The following ACTG2 variants were observed in gnomAD, a reference collection of about 807,000 sequenced individuals.
ACTG2 encodes actin, gamma-enteric smooth muscle.
In ACTG2, 16 loss-of-function variants were observed where a neutral mutation model predicts 37.6. The observed-to-expected ratio is 0.43, with a 90% CI of 0.29 to 0.65. The LOEUF is 0.65. Among genes scored for constraint, ACTG2 ranks in the 30% least tolerant of loss-of-function variants. The pLI, the probability that ACTG2 is intolerant of heterozygous loss-of-function variation, is 0.18. For missense variants in ACTG2, 238 were observed against 490.9 expected (o/e 0.48, Z 4.87); for synonymous variants, 181 against 179.9 (o/e 1.01, Z -0.05).
chr2:73,899,351 A>T (rs1163360867), intron 1 of ACTG2, among the ~76,000 whole-genome samples: 1 of 152,036 alleles, frequency 6.6e-6, no homozygotes, highest in African/African-American at 2.4e-5. Context: ...GATCCCAGCT[A>T]CTTGGGATGC....
intron 1 of ACTG2, among the ~76,000 whole-genome samples, chr2:73,899,397 G>A (rs1679828088): frequency 6.6e-6 from 1 of 152,146 alleles, no homozygotes; most frequent in Non-Finnish European, 1.5e-5. Flanking sequence ...GGGAGGTCGA[G>A]TCTGCAGTGA....
chr2:73,913,136 T>C (rs1352807906), intron 5 of ACTG2, among the ~76,000 whole-genome samples: 2 of 124,788 alleles, frequency 1.6e-5, no homozygotes, highest in African/African-American at 3.1e-5. Context: ...GCCATTGCAC[T>C]CCAGCCTGGG....
intron 3 of ACTG2, 177 bp downstream of exon 3, chr2:73,902,665 C>A: frequency 6.4e-7 from 1 of 1,552,020 alleles, no homozygotes; most frequent in East Asian, 2.4e-5. Context: ...AACATCTCTC[C>A]CTGGACTATT....
intron 7 of ACTG2, among the ~76,000 whole-genome samples, chr2:73,916,066 A>C (rs1680260242): frequency 6.6e-6 from 1 of 152,216 alleles, no homozygotes; most frequent in Non-Finnish European, 1.5e-5. Context: ...TCCTTTAGAA[A>C]TATGCTTCAG....
intron 1 of ACTG2, among the ~76,000 whole-genome samples, chr2:73,894,278 C>T (rs892820665): frequency 2.0e-5 from 3 of 152,138 alleles, no homozygotes; most frequent in Non-Finnish European, 4.4e-5. Context: ...TACAGGGAGG[C>T]TCTAAGTGCT....
At chr2:73,916,802 G>A in intron 8 of ACTG2, 37 bp downstream of exon 8, 1 of 1,596,494 alleles carries the variant, frequency 6.3e-7, no homozygotes, top group Middle Eastern at 1.9e-4. Flanking sequence ...CCTGTTCTTT[G>A]TATAAAGTCT....
intron 1 of ACTG2, among the ~76,000 whole-genome samples, chr2:73,894,596 A>T (rs1679701618): frequency 6.6e-6 from 1 of 152,220 alleles, no homozygotes; most frequent in Non-Finnish European, 1.5e-5. Flanking sequence ...ACAGATAAAC[A>T]GATGAGAACC....
chr2:73,917,875 T>A (rs1680302130), intron 8 of ACTG2, among the ~76,000 whole-genome samples: 1 of 151,940 alleles, frequency 6.6e-6, no homozygotes, highest in Admixed American at 6.6e-5. Context: ...GGGCAGGGGC[T>A]TTTTACCAGG....
intron 1 of ACTG2, among the ~76,000 whole-genome samples, chr2:73,894,556 G>A (rs1679700713): frequency 6.6e-6 from 1 of 152,206 alleles, no homozygotes; most frequent in Non-Finnish European, 1.5e-5. Context: ...CTTAGGGACA[G>A]TGGAGAGGCT....
At chr2:73,902,704 C>T (rs1215587999) in intron 3 of ACTG2, 8 of 1,551,510 alleles carry the variant, frequency 5.2e-6, no homozygotes, top group Non-Finnish European at 7.0e-6. Context: ...ATTTCTTGGT[C>T]TCTTGCCCTC....
In ACTG2 at chr2:73,901,390, G is replaced by GC. The variant is rs751325833; in HGVS notation, c.85dup (p.Arg29ProfsTer30). 1.9e-6 allele frequency: 3 copies of GC among 1,614,068 alleles called. No individual in the cohort carries two copies. The highest frequency in any genetic ancestry group is 2.5e-6 in the Non-Finnish European group (3 of 1,180,036). On this transcript the variant is annotated frameshift_variant, in exon 2 of 9. Coordinates refer to ENST00000345517, the MANE Select transcript of ACTG2 (RefSeq NM_001615.4). LOFTEE classifies it high-confidence loss of function. ...CAAGGCAGGCTTCGCAGGAGATGAT[G>GC]CCCCCCGGGCTGTCTTCCCCTCCAT...
intron 1 of ACTG2, among the ~76,000 whole-genome samples, chr2:73,898,170 C>T (rs1396247844): frequency 6.6e-6 from 1 of 150,428 alleles, no homozygotes; most frequent in Admixed American, 6.7e-5. Context: ...AAACACCAAA[C>T]ATGGAGAAGT....
chr2:73,899,718 T>C lies in ACTG2; in HGVS notation c.-36-1558T>C, dbSNP rs13411065. On this transcript the variant is annotated intron_variant, in intron 1 of 8. Transcript: ENST00000345517. The stretch of plus-strand genomic sequence containing the variant: ...ACATTGACTGAGGCAGCCGCAAATA[T>C]ACCAAATTGTATTATTGCTTAGTAC... Among the ~76,000 whole-genome samples, 578 of 152,274 alleles carry C rather than the reference T, an allele frequency of 3.8e-3. 6 individuals are homozygous for C. The highest frequency in any genetic ancestry group is 0.013 in the African/African-American group (550 of 41,554).
At chr2:73,897,541 C>T (rs772737498) in intron 1 of ACTG2, among the ~76,000 whole-genome samples, 2 of 152,174 alleles carry the variant, frequency 1.3e-5, no homozygotes, top group Non-Finnish European at 2.9e-5. Context: ...TGAGGCTGGA[C>T]TGTGGGGACT....
chr2:73,896,449 T>C (rs1679750930), intron 1 of ACTG2, among the ~76,000 whole-genome samples: 1 of 152,138 alleles, frequency 6.6e-6, no homozygotes, highest in African/African-American at 2.4e-5. Flanking sequence ...GGCACCTTCA[T>C]TTCCGTTCTG....
chr2:73,913,025 C>T (rs1653266), intron 5 of ACTG2, among the ~76,000 whole-genome samples: 94,888 of 151,408 alleles, frequency 0.63, 30,215 homozygotes, highest in Admixed American at 0.73. Flanking sequence ...AAAAATTAGC[C>T]GGGCGTGGTG....
At chr2:73,906,871 C>T (rs961635092) in intron 3 of ACTG2, among the ~76,000 whole-genome samples, 2 of 152,302 alleles carry the variant, frequency 1.3e-5, no homozygotes, top group African/African-American at 4.8e-5. Context: ...AGTGCAGATG[C>T]TTGAGCCCAA....
Position 73,902,880 on chromosome 2 carries a change from G to A in ACTG2, c.255+392G>A, listed in dbSNP as rs544572469. The A allele has an allele frequency of 5.1e-5, 54 of 1,064,790 alleles. No homozygotes were observed. In the South Asian group the frequency reaches 5.5e-4, roughly 11 times the overall value. 66.0% of individuals were successfully genotyped at this position (1,064,790 alleles called of 1,614,324 possible). On this transcript the variant is annotated intron_variant, in intron 3 of 8. Transcript: ENST00000345517. Reference sequence around the variant, plus strand: ...GAGGACCTTTCCCTGCCTGATCCCCGCGATCATCTTTTCCTGCAATATTTA... The same window carrying A: ...GAGGACCTTTCCCTGCCTGATCCCCACGATCATCTTTTCCTGCAATATTTA...
intron 1 of ACTG2, among the ~76,000 whole-genome samples, chr2:73,895,683 A>G (rs1451910433): frequency 2.0e-5 from 3 of 152,240 alleles, no homozygotes; most frequent in Admixed American, 6.5e-5. Context: ...TCAACTTTCA[A>G]TAGTCATTGA....
Sources: allele counts gnomAD v4.1 joint callset (sites outside exome capture counted in the v4.1 genomes callset), GRCh38; gene constraint gnomAD v4.1.1; transcripts MANE v1.5; gene names NCBI Gene and HGNC (gene_info 2026-07-23, HGNC 2026-07-21).